The following CNTNAP2 variants were observed in gnomAD, a reference collection of about 807,000 sequenced individuals.
CNTNAP2 encodes contactin-associated protein-like 2.
In CNTNAP2, 98 loss-of-function variants were observed where a neutral mutation model predicts 155.2. That is an observed-to-expected ratio of 0.63 (90% confidence interval 0.54 to 0.75). The LOEUF is 0.75. Among genes scored for constraint, CNTNAP2 ranks in the 30% least tolerant of loss-of-function variants. The probability of loss-of-function intolerance (pLI) is 0.00; values close to 1 mark genes in which losing one functional copy is unlikely to be tolerated. For synonymous variants in CNTNAP2, 651 were observed against 631.2 expected (o/e 1.03, Z -0.47); for missense variants, 1,727 against 1,688.1 (o/e 1.02, Z -0.40).
At chr7:146,728,538 T>C (rs867067062) in intron 1 of CNTNAP2, among the ~76,000 whole-genome samples, 8 of 151,818 alleles carry the variant, frequency 5.3e-5, no homozygotes, top group Non-Finnish European at 8.8e-5. Flanking sequence ...CATTTCACAA[T>C]GTATACCTGA....
At chr7:146,120,546 G>C (rs986986124) in intron 1 of CNTNAP2, among the ~76,000 whole-genome samples, 4 of 152,090 alleles carry the variant, frequency 2.6e-5, no homozygotes, top group Non-Finnish European at 5.9e-5. Flanking sequence ...TATCATTTTA[G>C]ATGATATCAA....
chr7:147,868,410 A>C (rs1799269572), intron 13 of CNTNAP2, among the ~76,000 whole-genome samples: 1 of 152,164 alleles, frequency 6.6e-6, no homozygotes, highest in Non-Finnish European at 1.5e-5. Context: ...TCTCCCAGTT[A>C]GGCTACACAG....
chr7:147,184,907 C>T (rs966478467), intron 8 of CNTNAP2, among the ~76,000 whole-genome samples: 1 of 152,100 alleles, frequency 6.6e-6, no homozygotes, highest in African/African-American at 2.4e-5. Context: ...ATATCTACTA[C>T]AAATCAAAGC....
At chr7:146,810,632 T>C (rs1268843965) in intron 2 of CNTNAP2, among the ~76,000 whole-genome samples, 2 of 152,116 alleles carry the variant, frequency 1.3e-5, no homozygotes, top group African/African-American at 2.4e-5. Flanking sequence ...ATCTGTTTTT[T>C]TTTTAAACCC....
intron 11 of CNTNAP2, among the ~76,000 whole-genome samples, chr7:147,550,990 C>T (rs1799841801): frequency 6.6e-6 from 1 of 152,096 alleles, no homozygotes; most frequent in Non-Finnish European, 1.5e-5. Flanking sequence ...TTTAAATATT[C>T]AGTGAGCTTT....
At chr7:147,104,494 A>C (rs886338614) in intron 4 of CNTNAP2, among the ~76,000 whole-genome samples, 3 of 151,862 alleles carry the variant, frequency 2.0e-5, no homozygotes, top group African/African-American at 7.2e-5. Flanking sequence ...TTCAGTAAAA[A>C]ATGAAATAAT....
intron 1 of CNTNAP2, among the ~76,000 whole-genome samples, chr7:146,448,287 G>A (rs1367307787): frequency 6.6e-6 from 1 of 151,916 alleles, no homozygotes; most frequent in Non-Finnish European, 1.5e-5. Context: ...AGACAAAACA[G>A]CTTGTCATTC....
At chr7:148,184,058 T>A (rs1221629701) in intron 18 of CNTNAP2, among the ~76,000 whole-genome samples, 1 of 152,192 alleles carries the variant, frequency 6.6e-6, no homozygotes, top group East Asian at 1.9e-4. Flanking sequence ...TAATTTTATA[T>A]GAACCTAGTG....
intron 11 of CNTNAP2, among the ~76,000 whole-genome samples, chr7:147,535,748 G>T (rs1799527445): frequency 6.6e-6 from 1 of 152,156 alleles, no homozygotes; most frequent in South Asian, 2.1e-4. Flanking sequence ...TGGGGAGGAG[G>T]CGAGGACCGC....
At chr7:147,719,833 A>G (rs1796537827) in intron 13 of CNTNAP2, among the ~76,000 whole-genome samples, 1 of 152,094 alleles carries the variant, frequency 6.6e-6, no homozygotes, top group African/African-American at 2.4e-5. Flanking sequence ...TAATTGAAGC[A>G]TCCACCTCTT....
chr7:147,286,271 A>T (rs899341999), intron 8 of CNTNAP2, among the ~76,000 whole-genome samples: 8 of 152,092 alleles, frequency 5.3e-5, no homozygotes, highest in African/African-American at 1.9e-4. Flanking sequence ...AGGTCTAAAA[A>T]TAACTTAGTC....
At chr7:146,233,170 A>G (rs561206763) in intron 1 of CNTNAP2, among the ~76,000 whole-genome samples, 2 of 145,876 alleles carry the variant, frequency 1.4e-5, no homozygotes, top group South Asian at 4.3e-4. Flanking sequence ...AATCCAAAAA[A>G]AAGTGTTTTT....
chr7:146,837,515 C>T lies in CNTNAP2; in HGVS notation c.209-2196C>T, dbSNP rs1803641723. Among the ~76,000 whole-genome samples, 3 of 152,044 alleles carry T rather than the reference C, an allele frequency of 2.0e-5. No homozygotes were observed. The South Asian group carries it at 6.2e-4, about 32-fold the overall frequency. On this transcript the variant is annotated intron_variant, in intron 2 of 23. Coordinates refer to ENST00000361727, the MANE Select transcript of CNTNAP2 (RefSeq NM_014141.6). ...TTACTGTTTTTAAAGTCCTGGTCTG[C>T]TAATTTCATCATTTCTGTTATTTTG... is the stretch of plus-strand genomic sequence containing the variant.
chr7:147,786,118 C>G (rs762290253), intron 13 of CNTNAP2, among the ~76,000 whole-genome samples: 1 of 151,936 alleles, frequency 6.6e-6, no homozygotes, highest in Admixed American at 6.6e-5. Flanking sequence ...GGTGAAACCC[C>G]GTCTCTACTA....
intron 15 of CNTNAP2, among the ~76,000 whole-genome samples, chr7:148,016,097 C>T (rs769715656): frequency 2.4e-4 from 37 of 152,178 alleles, no homozygotes; most frequent in Non-Finnish European, 5.0e-4. Context: ...CTTTGGGCTC[C>T]AAATGTTAAA....
intron 1 of CNTNAP2, among the ~76,000 whole-genome samples, chr7:146,387,644 T>C (rs1467785136): frequency 6.6e-6 from 1 of 152,148 alleles, no homozygotes; most frequent in Non-Finnish European, 1.5e-5. Flanking sequence ...CCCTACTGCA[T>C]AGTAGATGGG....
chr7:147,205,353 G>T (rs1803002212), intron 8 of CNTNAP2, among the ~76,000 whole-genome samples: 1 of 151,716 alleles, frequency 6.6e-6, no homozygotes, highest in Non-Finnish European at 1.5e-5. Flanking sequence ...GGTATTTTGT[G>T]GTTCCATATA....
chr7:146,607,443 G>A (rs571760067), intron 1 of CNTNAP2, among the ~76,000 whole-genome samples: 10 of 151,892 alleles, frequency 6.6e-5, no homozygotes, highest in African/African-American at 1.9e-4. Context: ...AAAACTAGAT[G>A]GGCCATCTTT....
intron 5 of CNTNAP2, among the ~76,000 whole-genome samples, chr7:147,120,295 G>T (rs12703878): frequency 0.81 from 123,965 of 152,106 alleles, 51,051 homozygotes; most frequent in Non-Finnish European, 0.88. Flanking sequence ...CTAACTCATT[G>T]AATCCTCATG....
Sources: allele counts gnomAD v4.1 joint callset (sites outside exome capture counted in the v4.1 genomes callset), GRCh38; gene constraint gnomAD v4.1.1; transcripts MANE v1.5; gene names NCBI Gene and HGNC (gene_info 2026-07-23, HGNC 2026-07-21).